The following BLM variants were observed in gnomAD, a reference collection of about 807,000 sequenced individuals.
BLM encodes the protein BLM RecQ like helicase, also known as recQ-like DNA helicase BLM.
Under a neutral mutation model 135.3 loss-of-function variants are expected in BLM, and 95 were observed. The observed-to-expected ratio is 0.70, with a 90% CI of 0.59 to 0.83. The LOEUF (loss-of-function observed/expected upper bound fraction) is 0.83. Ranked by LOEUF, BLM falls within the 40% of genes least tolerant of loss-of-function variation. The pLI is 0.00. For synonymous variants in BLM, 520 were observed against 589.2 expected, an observed-to-expected ratio of 0.88 and a Z score of 1.70; for missense variants, 1,518 against 1,663.9, an observed-to-expected ratio of 0.91 and a Z score of 1.53.
intron 1 of BLM, among the ~76,000 whole-genome samples, chr15:90,721,090 G>A (rs979170571): frequency 1.3e-5 from 2 of 152,060 alleles, no homozygotes; most frequent in African/African-American, 2.4e-5. Context: ...CTTTATGCTT[G>A]TCATTTGTCT....
intron 12 of BLM, among the ~76,000 whole-genome samples, chr15:90,780,152 T>G (rs1307775083): frequency 1.3e-5 from 2 of 151,394 alleles, no homozygotes; most frequent in Non-Finnish European, 2.9e-5. Context: ...TGGTGTGATG[T>G]CGGCTCACTG....
chr15:90,719,965 A>G (rs1436259940), intron 1 of BLM, among the ~76,000 whole-genome samples: 2 of 152,202 alleles, frequency 1.3e-5, no homozygotes, highest in East Asian at 1.9e-4. Flanking sequence ...TTGTACCACT[A>G]GTTCATAGAC....
intron 4 of BLM, 29 bp from the exon 5 acceptor site, chr15:90,754,782 G>A: frequency 6.2e-7 from 1 of 1,608,796 alleles, no homozygotes; most frequent in Admixed American, 1.7e-5. Context: ...CCTATAGTAT[G>A]ATTGGCTTAA....
At chr15:90,811,735 G>T (rs1462199323) in intron 21 of BLM, among the ~76,000 whole-genome samples, 4 of 152,186 alleles carry the variant, frequency 2.6e-5, no homozygotes, top group Non-Finnish European at 5.9e-5. Context: ...TCGGCTCACT[G>T]CAACCTCTGC....
At chr15:90,750,192 C>A (rs760152079) in intron 3 of BLM, 125 bp downstream of exon 3, 8 of 1,050,532 alleles carry the variant, frequency 7.6e-6, no homozygotes, top group Non-Finnish European at 1.1e-5. Context: ...TTTAGTGGTG[C>A]TTTTTGAATA....
Position 90,784,963 on chromosome 15 carries a change from A to G in BLM, c.2705A>G (p.Asp902Gly). The change falls in exon 14 of 22, where the codon GAC (aspartate) becomes GGC (glycine). Residue 902 changes from aspartate (D) to glycine (G), a missense_variant. Coordinates refer to ENST00000355112, the MANE Select transcript of BLM (RefSeq NM_000057.4). Reference protein sequence around the residue: ...IIYCLSRRECDTMADTLQRDG... With the variant: ...IIYCLSRRECGTMADTLQRDG... Reference sequence around the variant, plus strand: ...TACTGCCTCTCCAGGCGAGAATGTGACACCATGGCTGACACGTTACAGAGA... The same window carrying G: ...TACTGCCTCTCCAGGCGAGAATGTGGCACCATGGCTGACACGTTACAGAGA... 6.2e-7 allele frequency: 1 copy of G among 1,614,122 alleles called. No homozygotes were observed. Among genetic ancestry groups the G allele is most frequent in the East Asian group, 2.2e-5 (1 of 44,880 alleles).
Position 90,815,434 on chromosome 15 carries a change from T to C in BLM, c.*155T>C. ...GCTGGGGGGTGATAGTTCTTCTTTT[T>C]AAAATAAACATTTTCTTTTGAATAA... On this transcript the variant is annotated 3_prime_UTR_variant, in exon 22 of 22. Transcript: ENST00000355112. The surrounding 1 kb of genome is among the most constrained non-coding windows in gnomAD (Gnocchi z 4.6). 1 of 834,810 alleles carries C rather than the reference T, an allele frequency of 1.2e-6. No individual in the cohort carries two copies. Among genetic ancestry groups the C allele is most frequent in the Non-Finnish European group, 1.8e-6 (1 of 544,572 alleles). 51.7% of individuals were successfully genotyped at this position (834,810 alleles called of 1,614,324 possible).
chr15:90,737,376 G>T (rs932539262), intron 1 of BLM, among the ~76,000 whole-genome samples: 6 of 152,098 alleles, frequency 3.9e-5, no homozygotes, highest in Non-Finnish European at 8.8e-5. Flanking sequence ...AAAGGGCCTA[G>T]GAGCAATGAT....
intron 12 of BLM, among the ~76,000 whole-genome samples, chr15:90,771,302 C>T (rs1002303266): frequency 3.3e-5 from 5 of 152,134 alleles, no homozygotes; most frequent in Non-Finnish European, 7.3e-5. Flanking sequence ...GCCTGGCCAA[C>T]GTGGCGATAC....
chr15:90,747,516 C>T, intron 2 of BLM, 26 bp downstream of exon 2: 2 of 1,413,956 alleles, frequency 1.4e-6, no homozygotes, highest in East Asian at 4.6e-5. Flanking sequence ...GGTTTGCTGT[C>T]ACATAGGCAC....
chr15:90,721,993 C>T (rs1412881794), intron 1 of BLM, among the ~76,000 whole-genome samples: 4 of 150,724 alleles, frequency 2.7e-5, no homozygotes, highest in South Asian at 2.1e-4. Flanking sequence ...TACATAATTT[C>T]GCTGGAAACC....
chr15:90,807,735 G>A (rs1445053880), intron 19 of BLM, among the ~76,000 whole-genome samples: 2 of 152,126 alleles, frequency 1.3e-5, no homozygotes, highest in Non-Finnish European at 2.9e-5. Context: ...TGTATTCCCT[G>A]CTACTCTGTT....
At chr15:90,775,989 C>A (rs1896467502) in intron 12 of BLM, among the ~76,000 whole-genome samples, 1 of 152,150 alleles carries the variant, frequency 6.6e-6, no homozygotes, top group Non-Finnish European at 1.5e-5. Context: ...CCAGCTAGGA[C>A]TTTTGTTGTT....
intron 5 of BLM, among the ~76,000 whole-genome samples, chr15:90,758,342 C>A (rs1333621935): frequency 6.6e-6 from 1 of 152,128 alleles, no homozygotes; most frequent in Non-Finnish European, 1.5e-5. Flanking sequence ...TACAAAAAAG[C>A]CGAGCGTGGT....
chr15:90,757,021 ATTG>A (rs1374681370), intron 5 of BLM, among the ~76,000 whole-genome samples: 3 of 152,184 alleles, frequency 2.0e-5, no homozygotes, highest in Non-Finnish European at 4.4e-5. Flanking sequence ...AATGATAACT[ATTG>A]TTATCTGCCA....
intron 12 of BLM, among the ~76,000 whole-genome samples, chr15:90,774,807 C>CAA (rs530219766): frequency 1.7e-5 from 2 of 114,566 alleles, no homozygotes; most frequent in Non-Finnish European, 1.9e-5. Context: ...ACACTCCAGC[C>CAA]AAAAAAAAAA....
intron 10 of BLM, among the ~76,000 whole-genome samples, chr15:90,767,938 T>C (rs1896179385): frequency 6.6e-6 from 1 of 151,470 alleles, no homozygotes; most frequent in African/African-American, 2.4e-5. Flanking sequence ...TCCTGTTGGT[T>C]ACACTTTTTT....
intron 3 of BLM, 50 bp downstream of exon 3, chr15:90,750,117 T>G: frequency 1.9e-6 from 3 of 1,579,176 alleles, no homozygotes; most frequent in Non-Finnish European, 2.6e-6. Context: ...ACTTTTTTAT[T>G]CAAAGCTAGC....
At position 90,754,912 on chromosome 15, in the gene BLM, A is replaced by G; in HGVS notation, c.1061A>G (p.Asn354Ser). The G allele has an allele frequency of 2.5e-6, 4 of 1,614,012 alleles. No homozygotes were observed. The highest frequency in any genetic ancestry group is 3.4e-6 in the Non-Finnish European group (4 of 1,179,996). Residue 354 changes from asparagine (N) to serine (S), a missense_variant, in exon 5 of 22, where the codon AAT becomes AGT. Asn to Ser is a conservative substitution (Grantham distance 46). Around this residue, in one of 5 missense-constraint regions of BLM, gnomAD observed 724 missense variants for 756.9 expected, o/e 0.96. Coordinates refer to ENST00000355112, the MANE Select transcript of BLM (RefSeq NM_000057.4). ...GAGAAAATGAGTATGCAGGAGCTGA[A>G]TCCAGAAACCAGCACAGACTGTGAC... is the stretch of plus-strand genomic sequence containing the variant. ...KPEKMSMQEL[N>S]PETSTDCDAR...
Sources: gnomAD v4.1 joint callset for allele counts (sites outside exome capture counted in the v4.1 genomes callset) on GRCh38, gnomAD v4.1.1 for gene constraint, gnomAD v4.1.1 regional missense constraint, Gnocchi (gnomAD v3.1) non-coding constraint, MANE v1.5 for transcripts, NCBI Gene and HGNC (gene_info 2026-07-23, HGNC 2026-07-21) for gene names.